ASTN2: variants seen among roughly 807,000 people sequenced by gnomAD.
ASTN2 encodes astrotactin-2.
Under a neutral mutation model 139.8 loss-of-function variants are expected in ASTN2, and 54 were observed. The ratio of observed to expected loss-of-function variants is 0.39; its 90% confidence interval spans 0.31 to 0.48. The LOEUF (loss-of-function observed/expected upper bound fraction) is 0.48, where lower values mean the gene tolerates loss of function less well. Ranked by LOEUF, ASTN2 falls within the 20% of genes least tolerant of loss-of-function variation. The pLI is 0.95. For missense variants in ASTN2, 1,565 were observed against 1,725.1 expected (o/e 0.91, Z 1.64); for synonymous variants, 756 against 719.5 (o/e 1.05, Z -0.81).
At position 117,171,223 on chromosome 9, in the gene ASTN2, G is replaced by A. The variant is rs550595096; in HGVS notation, c.1016-29745C>T. ...GCACAGAATAGAAATATTCTCCTTT[G>A]CCCAACTAACTGAAACATTTGCAGG... On this transcript the variant is annotated intron_variant, in intron 3 of 22. Coordinates refer to ENST00000313400, the MANE Select transcript of ASTN2 (RefSeq NM_001365068.1). 2.6e-5 allele frequency among the ~76,000 whole-genome samples: 4 copies of A among 152,250 alleles called. No individual in the cohort carries two copies. In the East Asian group the frequency reaches 7.7e-4, roughly 29 times the overall value.
chr9:116,813,660 TG>T, intron 12 of ASTN2, among the ~76,000 whole-genome samples: 1 of 152,336 alleles, frequency 6.6e-6, no homozygotes, highest in Non-Finnish European at 1.5e-5. Context: ...TATTCTTCAA[TG>T]GTTTGTGGAA....
At chr9:117,024,415 TA>T (rs144618438) in intron 6 of ASTN2, among the ~76,000 whole-genome samples, 32,203 of 151,490 alleles carry the variant, frequency 0.21, 4,084 homozygotes, top group African/African-American at 0.35. Context: ...TGTTTTTTTT[TA>T]AAAAGTTATT....
At chr9:116,447,350 T>C (rs1424613215) in intron 20 of ASTN2, among the ~76,000 whole-genome samples, 2 of 152,184 alleles carry the variant, frequency 1.3e-5, no homozygotes, top group Non-Finnish European at 2.9e-5. Flanking sequence ...CTTCACTTCT[T>C]TCTTGCCCCT....
intron 19 of ASTN2, among the ~76,000 whole-genome samples, chr9:116,531,461 C>A (rs1376893950): frequency 6.6e-6 from 1 of 152,114 alleles, no homozygotes; most frequent in African/African-American, 2.4e-5. Context: ...CGGTGTGTTG[C>A]ACCCATTAAC....
chr9:117,169,402 C>T (rs912591334), intron 3 of ASTN2, among the ~76,000 whole-genome samples: 11 of 152,042 alleles, frequency 7.2e-5, no homozygotes, highest in East Asian at 1.9e-4. Flanking sequence ...GGAAGAGGCA[C>T]GTGGGCTTGG....
intron 3 of ASTN2, among the ~76,000 whole-genome samples, chr9:117,182,970 A>T (rs934211574): frequency 5.9e-5 from 9 of 152,346 alleles, no homozygotes; most frequent in Non-Finnish European, 1.2e-4. Flanking sequence ...CAGAACTTTT[A>T]AAAAGATCAC....
intron 4 of ASTN2, among the ~76,000 whole-genome samples, chr9:117,121,961 CA>C (rs1829570435): frequency 6.6e-6 from 1 of 152,154 alleles, no homozygotes. Context: ...AATACCATCC[CA>C]TCAGGCCCCT....
intron 13 of ASTN2, among the ~76,000 whole-genome samples, chr9:116,780,658 C>A (rs998101679): frequency 6.6e-6 from 1 of 152,148 alleles, no homozygotes; most frequent in African/African-American, 2.4e-5. Context: ...CCTGGGCAAG[C>A]GTATCTATCA....
At chr9:117,310,733 A>G (rs1341166366) in intron 1 of ASTN2, among the ~76,000 whole-genome samples, 4 of 151,970 alleles carry the variant, frequency 2.6e-5, no homozygotes, top group Admixed American at 2.6e-4. Flanking sequence ...CTAGGCTCAA[A>G]CAATCCTCGC....
intron 2 of ASTN2, among the ~76,000 whole-genome samples, chr9:117,267,336 A>C (rs1269473668): frequency 1.3e-5 from 2 of 152,150 alleles, no homozygotes; most frequent in African/African-American, 4.8e-5. Context: ...TCAGTGGAGA[A>C]ACTGGGGAAA....
At chr9:117,260,726 C>G (rs1354989605) in intron 2 of ASTN2, among the ~76,000 whole-genome samples, 1 of 151,952 alleles carries the variant, frequency 6.6e-6, no homozygotes, top group African/African-American at 2.4e-5. Context: ...ACTGTGTGAC[C>G]TGGAGCCATC....
chr9:116,654,148 G>C (rs12002707), intron 16 of ASTN2, among the ~76,000 whole-genome samples: 1 of 152,148 alleles, frequency 6.6e-6, no homozygotes, highest in Admixed American at 6.5e-5. Flanking sequence ...ATTAGCCCAC[G>C]CTCTGGCCTA....
chr9:116,602,921 C>A (rs1250377769), intron 19 of ASTN2, among the ~76,000 whole-genome samples: 1 of 152,068 alleles, frequency 6.6e-6, no homozygotes, highest in East Asian at 1.9e-4. Context: ...CAGAGCGAGA[C>A]CTCCATCTCA....
Position 116,581,498 on chromosome 9 carries a change from A to G in ASTN2, c.3355+36826T>C, listed in dbSNP as rs140939219. On this transcript the variant is annotated intron_variant, in intron 19 of 22. Transcript: ENST00000313400. ...GGTCAGTTGGCTTTATCAAGATAAT[A>G]TATAGACATGCATTGTTTCACCTTT... Among the ~76,000 whole-genome samples, 11 of 152,350 alleles carry G rather than the reference A, an allele frequency of 7.2e-5. No homozygotes were observed. In the East Asian group the frequency reaches 2.1e-3, roughly 29 times the overall value.
At chr9:116,898,422 A>AAG (rs386416038) in intron 10 of ASTN2, among the ~76,000 whole-genome samples, 2 of 151,172 alleles carry the variant, frequency 1.3e-5, no homozygotes, top group Non-Finnish European at 2.9e-5. Context: ...AAAAAAAAAA[A>AAG]AGAGTTTGGA....
At chr9:117,360,743 G>A (rs770913039) in intron 1 of ASTN2, among the ~76,000 whole-genome samples, 1 of 151,230 alleles carries the variant, frequency 6.6e-6, no homozygotes, top group East Asian at 1.9e-4. Flanking sequence ...GGCACTCTGT[G>A]TGACTATGGA....
At chr9:116,783,565 A>G (rs1830279663) in intron 13 of ASTN2, among the ~76,000 whole-genome samples, 1 of 152,130 alleles carries the variant, frequency 6.6e-6, no homozygotes. Flanking sequence ...CCAACTATTC[A>G]GTGAGGTAGT....
At chr9:116,439,193 C>CCTT (rs1564277528) in intron 22 of ASTN2, among the ~76,000 whole-genome samples, 4 of 102,780 alleles carry the variant, frequency 3.9e-5, no homozygotes, top group African/African-American at 1.5e-4. Context: ...TATTCAAATA[C>CCTT]ATTTTTTTTT....
intron 22 of ASTN2, among the ~76,000 whole-genome samples, chr9:116,433,232 T>A (rs1341465724): frequency 6.6e-6 from 1 of 152,230 alleles, no homozygotes; most frequent in African/African-American, 2.4e-5. Flanking sequence ...CATATTTGCA[T>A]GACTAAAGGA....
Sources: allele counts gnomAD v4.1 joint callset (sites outside exome capture counted in the v4.1 genomes callset), GRCh38; gene constraint gnomAD v4.1.1; transcripts MANE v1.5; gene names NCBI Gene and HGNC (gene_info 2026-07-23, HGNC 2026-07-21).